ARHGEF6: variants seen among roughly 807,000 people sequenced by gnomAD.
ARHGEF6 encodes the protein Rac/Cdc42 guanine nucleotide exchange factor 6, also known as rho guanine nucleotide exchange factor 6.
A neutral mutation model predicts 70.3 loss-of-function variants in ARHGEF6; 9 were observed. That is an observed-to-expected ratio of 0.13 (90% confidence interval 0.08 to 0.22). The LOEUF (loss-of-function observed/expected upper bound fraction) is 0.22, where lower values mean the gene tolerates loss of function less well. ARHGEF6 is among the 10% of genes least tolerant of loss of function. ARHGEF6 has a pLI of 1.00. For synonymous variants in ARHGEF6, 201 were observed against 207.8 expected (o/e 0.97, Z 0.28); for missense variants, 470 against 563.0 (o/e 0.83, Z 1.67).
At chrX:136,767,819 A>G in intron 2 of ARHGEF6, 1 of 745,399 alleles carries the variant, frequency 1.3e-6, no homozygotes. Flanking sequence ...AGGAACTGGA[A>G]GTGACAGCGG....
intron 6 of ARHGEF6, among the ~76,000 whole-genome samples, chrX:136,720,683 G>T (rs143215209): frequency 0.022 from 2,434 of 110,898 alleles, 63 homozygotes; most frequent in African/African-American, 0.074. Flanking sequence ...AAAAATAAAA[G>T]GTATACACAT....
chrX:136,768,351 A>C, intron 2 of ARHGEF6: 1 of 112,890 alleles, frequency 8.9e-6, no homozygotes, highest in Middle Eastern at 4.6e-3. Flanking sequence ...GTGACATTTA[A>C]TGTAACTCTT....
At chrX:136,731,966 T>C in intron 6 of ARHGEF6, 136 bp downstream of exon 6, 1 of 484,270 alleles carries the variant, frequency 2.1e-6, no homozygotes, top group South Asian at 3.2e-5. Flanking sequence ...TCCACTGTAA[T>C]GCGAATGGCA....
At position 136,727,325 on chromosome X, in the gene ARHGEF6, T is replaced by TTCTC. The variant is rs1556284733; in HGVS notation, c.732+4776_732+4777insGAGA. Among the ~76,000 whole-genome samples, 311 of 61,120 alleles carry TTCTC rather than the reference T, an allele frequency of 5.1e-3. 5 individuals carry two copies. The highest frequency in any genetic ancestry group is 0.018 in the East Asian group (30 of 1,634). 53.1% of individuals were successfully genotyped at this position (61,120 alleles called of 115,157 possible). A position where few individuals can be genotyped will look rare whatever the true frequency, so the allele number is the denominator to read the frequency against. On this transcript the variant is annotated intron_variant, in intron 6 of 21. Transcript: ENST00000250617. ...CTGTAGTCTTTCTTTCTTTCTTTCT[T>TTCTC]TTTCTTTCTTTCTTTCTTTCTTTCT...
intron 12 of ARHGEF6, among the ~76,000 whole-genome samples, chrX:136,684,420 G>C (rs1376177021): frequency 1.8e-5 from 2 of 112,007 alleles, no homozygotes; most frequent in Admixed American, 1.9e-4. Flanking sequence ...CGCCAAAGAC[G>C]TGTCAGAGAG....
At chrX:136,719,581 A>G (rs2076775506) in intron 6 of ARHGEF6, among the ~76,000 whole-genome samples, 1 of 111,570 alleles carries the variant, frequency 9.0e-6, no homozygotes, top group Admixed American at 9.5e-5. Flanking sequence ...AATAATCTAA[A>G]CTTCCACCCT....
At chrX:136,700,993 C>A (rs1169054659) in intron 9 of ARHGEF6, among the ~76,000 whole-genome samples, 2 of 111,704 alleles carry the variant, frequency 1.8e-5, no homozygotes, top group African/African-American at 3.3e-5. Flanking sequence ...ATGAAGAATG[C>A]CTTTGATAGT....
chrX:136,685,774 A>G lies in ARHGEF6; in HGVS notation c.1295T>C (p.Leu432Pro). The G allele has an allele frequency of 1.7e-6, 2 of 1,211,545 alleles. No individual in the cohort carries two copies. The highest frequency in any genetic ancestry group is 3.5e-5 in the South Asian group (2 of 56,992). Residue 432 changes from leucine to proline, a missense_variant, in exon 12 of 22, where the codon CTG (leucine) becomes CCG (proline). By Grantham distance (98) the Leu-to-Pro change is moderately conservative. This residue lies in a region of ARHGEF6 where 379 missense variants were observed against 449.3 expected (regional missense o/e 0.84). Transcript: ENST00000250617. ...TTCCCATGCCTGAATAGGTTCGGAC[A>G]GTATCTGTAACTCCAGCTGTTTTCT... ...RKRKQLELQI[L>P]SEPIQAWEGE...
rs1217086644 is a variant in ARHGEF6, at chrX:136,665,690, A to C, written c.*2339T>G. On this transcript the variant is annotated 3_prime_UTR_variant, in exon 22 of 22. Coordinates refer to ENST00000250617, the MANE Select transcript of ARHGEF6 (RefSeq NM_004840.3). ...GAACTGAAAGGCCTCTACGGGCAGC[A>C]GTTTAATTACAGGGCAACAGGAACC... 2 of 112,820 alleles carry C rather than the reference A, an allele frequency of 1.8e-5. No homozygotes were observed. The highest frequency in any genetic ancestry group is 6.5e-5 in the African/African-American group (2 of 30,898). 9.3% of individuals were successfully genotyped at this position (112,820 alleles called of 1,213,427 possible).
intron 6 of ARHGEF6, among the ~76,000 whole-genome samples, chrX:136,723,795 C>T (rs1417261752): frequency 9.1e-6 from 1 of 110,395 alleles, no homozygotes; most frequent in African/African-American, 3.3e-5. Context: ...CATGGTGGCT[C>T]ATGCCTGTAA....
chrX:136,688,675 A>AAAC (rs1295449863), intron 10 of ARHGEF6, among the ~76,000 whole-genome samples: 1 of 111,495 alleles, frequency 9.0e-6, no homozygotes. Flanking sequence ...ACAAACAAAC[A>AAAC]AACAACAACA....
At chrX:136,764,955 G>A (rs1226998339) in intron 2 of ARHGEF6, among the ~76,000 whole-genome samples, 1 of 111,992 alleles carries the variant, frequency 8.9e-6, no homozygotes, top group Non-Finnish European at 1.9e-5. Flanking sequence ...AAGGAGCTAG[G>A]TGTTCCTGTA....
At chrX:136,676,866 T>TTTTA in intron 17 of ARHGEF6, 149 bp from the exon 18 acceptor site, 2 of 486,301 alleles carry the variant, frequency 4.1e-6, no homozygotes, top group South Asian at 5.5e-5. Flanking sequence ...ACAATTAAAA[T>TTTTA]GGTTCCAATA....
intron 9 of ARHGEF6, among the ~76,000 whole-genome samples, chrX:136,701,768 C>CAT (rs2076575152): frequency 1.1e-5 from 1 of 92,182 alleles, no homozygotes; most frequent in Admixed American, 1.4e-4. Flanking sequence ...AGTGCAGTGG[C>CAT]GCCATCTTGG....
chrX:136,776,856 A>C (rs1448229488), intron 2 of ARHGEF6, among the ~76,000 whole-genome samples: 1 of 103,022 alleles, frequency 9.7e-6, no homozygotes, highest in African/African-American at 3.6e-5. Flanking sequence ...AACTCAAACA[A>C]ATCAGCAAAA....
chrX:136,774,873 G>A (rs753121441), intron 2 of ARHGEF6, among the ~76,000 whole-genome samples: 2 of 109,078 alleles, frequency 1.8e-5, no homozygotes, highest in Non-Finnish European at 3.8e-5. Flanking sequence ...AACAGAGATT[G>A]AGAGAGAGAG....
chrX:136,708,823 T>G, intron 7 of ARHGEF6, 53 bp from the exon 8 acceptor site: 3 of 945,005 alleles, frequency 3.2e-6, no homozygotes, highest in Non-Finnish European at 4.5e-6. Flanking sequence ...AGTTGGCTAA[T>G]AGTTTGCTAA....
chrX:136,672,160 A>T (rs780722218), intron 19 of ARHGEF6, 41 bp from the exon 20 acceptor site: 1 of 998,232 alleles, frequency 1.0e-6, no homozygotes, highest in Non-Finnish European at 1.4e-6. Context: ...AGGGAGAGTT[A>T]CTAGTGAAGA....
intron 5 of ARHGEF6, among the ~76,000 whole-genome samples, chrX:136,732,946 A>G (rs1448749778): frequency 9.0e-6 from 1 of 111,644 alleles, no homozygotes; most frequent in East Asian, 2.8e-4. Flanking sequence ...TCTGTCTACT[A>G]TGCCAACAAC....
Sources: allele counts gnomAD v4.1 joint callset (sites outside exome capture counted in the v4.1 genomes callset), GRCh38; gene constraint gnomAD v4.1.1; regional missense constraint gnomAD v4.1.1; transcripts MANE v1.5; gene names NCBI Gene and HGNC (gene_info 2026-07-23, HGNC 2026-07-21).